The following MAPK10 variants were observed in gnomAD, a reference collection of about 807,000 sequenced individuals.
MAPK10 encodes JNK3 alpha protein kinase.
A neutral mutation model predicts 59.3 loss-of-function variants in MAPK10; 25 were observed. That is an observed-to-expected ratio of 0.42 (90% CI 0.31 to 0.59). The LOEUF is 0.59. MAPK10 is among the 20% of genes least tolerant of loss of function. The pLI, the probability that MAPK10 is intolerant of heterozygous loss-of-function variation, is 0.15. For missense variants in MAPK10, 351 were observed against 568.9 expected, an observed-to-expected ratio of 0.62 and a Z score of 3.90; for synonymous variants, 190 against 200.5, an observed-to-expected ratio of 0.95 and a Z score of 0.44.
intron 4 of MAPK10, chr4:86,152,151 G>A (rs1315157192): frequency 6.6e-6 from 1 of 152,156 alleles, no homozygotes; most frequent in Non-Finnish European, 1.5e-5. Flanking sequence ...TGTCCTTGGT[G>A]AACCCAAAGG....
intron 4 of MAPK10, among the ~76,000 whole-genome samples, chr4:86,144,411 AAGC>A (rs2064368409): frequency 6.6e-6 from 1 of 152,148 alleles, no homozygotes; most frequent in South Asian, 2.1e-4. Flanking sequence ...TGAGCAGATA[AAGC>A]AAGAATCTGG....
rs150729667 is a variant in MAPK10, at chr4:86,359,884, A to C, written c.-348T>G. 3.0e-6 allele frequency: 3 copies of C among 985,744 alleles called. No individual in the cohort carries two copies. Among genetic ancestry groups the C allele is most frequent in the East Asian group, 2.3e-4 (2 of 8,818 alleles). The allele number at this position is 985,744 out of a possible 1,614,324, so 61.1% of individuals were successfully genotyped here. A position where few individuals can be genotyped will look rare whatever the true frequency, so the allele number is the denominator to read the frequency against. On this transcript the variant is annotated 5_prime_UTR_variant, in exon 1 of 14. Transcript: ENST00000641462. ...GTGAGGACAAAAAAGGAAATTTGTA[A>C]AAATGAAAAAAGAAAAGAAAAAGGT... is the stretch of plus-strand genomic sequence containing the variant.
At chr4:86,451,064 T>C (rs1731350224) in intron 1 of MAPK10, among the ~76,000 whole-genome samples, 1 of 152,080 alleles carries the variant, frequency 6.6e-6, no homozygotes, top group African/African-American at 2.4e-5. Context: ...CTAAAGAGGA[T>C]GGAGATTTAC....
intron 2 of MAPK10, among the ~76,000 whole-genome samples, chr4:86,252,249 C>A (rs1156303881): frequency 7.9e-6 from 1 of 126,796 alleles, no homozygotes; most frequent in African/African-American, 4.3e-5. Flanking sequence ...TCCTTGCCCA[C>A]GCCTATGTCC....
chr4:86,425,830 G>T (rs970186920), intron 1 of MAPK10, among the ~76,000 whole-genome samples: 7 of 152,252 alleles, frequency 4.6e-5, no homozygotes, highest in Admixed American at 1.3e-4. Context: ...AATTAGCTGG[G>T]CATGGTGGCA....
chr4:86,427,543 C>G (rs1747466058), intron 1 of MAPK10, among the ~76,000 whole-genome samples: 1 of 152,142 alleles, frequency 6.6e-6, no homozygotes, highest in African/African-American at 2.4e-5. Flanking sequence ...TAAGTTCTAT[C>G]CCACATCAGG....
intron 4 of MAPK10, among the ~76,000 whole-genome samples, chr4:86,136,441 C>T (rs2062114288): frequency 6.6e-6 from 1 of 151,614 alleles, no homozygotes; most frequent in African/African-American, 2.4e-5. Context: ...AACTAAGCTT[C>T]ATAAGTGAAG....
At chr4:86,031,808 A>C (rs879508878) in intron 11 of MAPK10, 10 of 171,890 alleles carry the variant, frequency 5.8e-5, no homozygotes, top group Non-Finnish European at 9.9e-5. Flanking sequence ...TTGCCTTATA[A>C]CAGAACCATG....
chr4:86,553,470 C>T (rs182015757), intron 1 of MAPK10, among the ~76,000 whole-genome samples: 1 of 152,256 alleles, frequency 6.6e-6, no homozygotes, highest in East Asian at 1.9e-4. Context: ...AGAAAATATG[C>T]TTTGCTTACT....
chr4:86,436,800 C>G (rs935933622), intron 1 of MAPK10, among the ~76,000 whole-genome samples: 12 of 152,012 alleles, frequency 7.9e-5, no homozygotes, highest in Non-Finnish European at 1.5e-4. Context: ...CTATATTTTT[C>G]TTGCCTTATT....
chr4:86,592,842 T>C (rs1371386628), intron 1 of MAPK10, among the ~76,000 whole-genome samples: 1 of 152,194 alleles, frequency 6.6e-6, no homozygotes, highest in Non-Finnish European at 1.5e-5. Flanking sequence ...TCCAGCCCAT[T>C]TTACATAGCA....
chr4:86,450,218 T>A (rs1280358495), intron 1 of MAPK10, among the ~76,000 whole-genome samples: 1 of 152,230 alleles, frequency 6.6e-6, no homozygotes, highest in South Asian at 2.1e-4. Context: ...AGTAAATATC[T>A]CTTACCATTT....
intron 3 of MAPK10, 143 bp downstream of exon 3, chr4:86,194,193 G>A (rs2080717292): frequency 4.5e-6 from 3 of 664,622 alleles, no homozygotes. Context: ...TTTCTATTCA[G>A]CCGTCTTGCC....
intron 11 of MAPK10, among the ~76,000 whole-genome samples, chr4:86,055,492 T>C (rs2044379559): frequency 6.7e-6 from 1 of 149,770 alleles, no homozygotes; most frequent in Admixed American, 6.6e-5. Context: ...TTATAAGCTT[T>C]CCAAGTTGAA....
intron 2 of MAPK10, among the ~76,000 whole-genome samples, chr4:86,254,885 A>G (rs747986967): frequency 5.3e-5 from 8 of 152,118 alleles, no homozygotes; most frequent in Non-Finnish European, 1.2e-4. Flanking sequence ...TTTTGTAAGT[A>G]TTCTCGGAAA....
intron 1 of MAPK10, among the ~76,000 whole-genome samples, chr4:86,420,374 G>C (rs1332678215): frequency 6.6e-6 from 1 of 152,132 alleles, no homozygotes; most frequent in African/African-American, 2.4e-5. Context: ...CCTGTTGTTA[G>C]AACTTTTATA....
chr4:86,182,862 CATA>C (rs1341470226), intron 3 of MAPK10, among the ~76,000 whole-genome samples: 2 of 151,942 alleles, frequency 1.3e-5, no homozygotes, highest in African/African-American at 2.4e-5. Context: ...ATTAAAAGCT[CATA>C]ATAAGCAAGA....
intron 7 of MAPK10, 126 bp from the exon 8 acceptor site, chr4:86,101,343 A>G (rs1178939155): frequency 1.7e-6 from 1 of 581,160 alleles, no homozygotes; most frequent in African/African-American, 1.9e-5. Flanking sequence ...CAGAGCTCTA[A>G]ATAAGGCAAA....
intron 1 of MAPK10, among the ~76,000 whole-genome samples, chr4:86,498,793 T>C (rs1018392022): frequency 6.6e-6 from 1 of 152,206 alleles, no homozygotes; most frequent in South Asian, 2.1e-4. Context: ...ACATCATTTA[T>C]AGCTAACCTT....
Sources: allele counts gnomAD v4.1 joint callset (sites outside exome capture counted in the v4.1 genomes callset), GRCh38; gene constraint gnomAD v4.1.1; transcripts MANE v1.5; gene names NCBI Gene and HGNC (gene_info 2026-07-23, HGNC 2026-07-21).